TMLHE: variants seen among roughly 807,000 people sequenced by gnomAD.
TMLHE encodes trimethyllysine dioxygenase, mitochondrial.
In TMLHE, 18 loss-of-function variants were observed where a neutral mutation model predicts 25.7. That is an observed-to-expected ratio of 0.70 (90% CI 0.48 to 1.04). The LOEUF (loss-of-function observed/expected upper bound fraction) is 1.04. Among genes scored for constraint, TMLHE ranks in the 50% least tolerant of loss-of-function variants. The pLI is 0.00. For synonymous variants in TMLHE, 105 were observed against 97.0 expected, an observed-to-expected ratio of 1.08 and a Z score of -0.49; for missense variants, 236 against 259.0, an observed-to-expected ratio of 0.91 and a Z score of 0.61.
intron 1 of TMLHE, among the ~76,000 whole-genome samples, chrX:155,598,772 T>G (rs1385396782): frequency 1.8e-5 from 2 of 111,557 alleles, no homozygotes; most frequent in Non-Finnish European, 3.8e-5. Flanking sequence ...AGACTGCTTT[T>G]TTACTTCTTT....
intron 1 of TMLHE, among the ~76,000 whole-genome samples, chrX:155,585,632 C>A (rs1316529135): frequency 1.8e-5 from 2 of 111,604 alleles, no homozygotes; most frequent in Admixed American, 9.5e-5. Context: ...ACAGCCCACT[C>A]TCAGCATTAG....
chrX:155,538,111 A>G (rs1557337817), intron 2 of TMLHE, among the ~76,000 whole-genome samples: 1 of 111,209 alleles, frequency 9.0e-6, no homozygotes, highest in African/African-American at 3.3e-5. Flanking sequence ...CCTCTGACCA[A>G]CATGTCTCCA....
intron 3 of TMLHE, among the ~76,000 whole-genome samples, chrX:155,522,526 T>C (rs782639123): frequency 8.9e-6 from 1 of 112,194 alleles, no homozygotes; most frequent in South Asian, 3.7e-4. Context: ...TCCTTCGTGT[T>C]ACCCTTTTAC....
At chrX:155,548,537 C>A (rs868995183) in intron 1 of TMLHE, among the ~76,000 whole-genome samples, 1 of 106,832 alleles carries the variant, frequency 9.4e-6, no homozygotes, top group South Asian at 3.9e-4. Flanking sequence ...AGTATGAGGC[C>A]AGCCTGACTA....
chrX:155,545,500 T>C (rs1396704262), intron 1 of TMLHE, among the ~76,000 whole-genome samples: 1 of 112,082 alleles, frequency 8.9e-6, no homozygotes, highest in African/African-American at 3.2e-5. Context: ...CAATCTTCCT[T>C]TTGGCCTACT....
intron 3 of TMLHE, among the ~76,000 whole-genome samples, chrX:155,515,407 A>T (rs1049706213): frequency 9.0e-5 from 10 of 110,641 alleles, no homozygotes; most frequent in Middle Eastern, 4.9e-3. Flanking sequence ...ATTTATTTTT[A>T]AAAAATTTCC....
chrX:155,569,265 C>T (rs1557342709), intron 1 of TMLHE, among the ~76,000 whole-genome samples: 1 of 56,163 alleles, frequency 1.8e-5, no homozygotes, highest in Non-Finnish European at 4.6e-5. Flanking sequence ...TGAAATGAAG[C>T]GAGAAGGGAA....
chrX:155,562,092 T>C lies in TMLHE; in HGVS notation c.-1-16815A>G, dbSNP rs782588034. The stretch of plus-strand genomic sequence containing the variant: ...GGCCTCTAACCCCATATTTCCCCTC[T>C]GCATTGCCCTAGTAGAGGTTCTCCA... On this transcript the variant is annotated intron_variant, in intron 1 of 7. Coordinates refer to ENST00000334398, the MANE Select transcript of TMLHE (RefSeq NM_018196.4). 4.8e-3 allele frequency among the ~76,000 whole-genome samples: 298 copies of C among 62,494 alleles called. 94 individuals are homozygous for C. Among genetic ancestry groups the C allele is most frequent in the Non-Finnish European group, 0.011 (251 of 22,147 alleles). The allele number at this position is 62,494 out of a possible 115,157, so 54.3% of individuals were successfully genotyped here. A position where few individuals can be genotyped will look rare whatever the true frequency, so the allele number is the denominator to read the frequency against.
chrX:155,506,788 AT>A (rs2067078648), intron 6 of TMLHE, 109 bp downstream of exon 6: 1 of 629,772 alleles, frequency 1.6e-6, no homozygotes, highest in African/African-American at 2.2e-5. Context: ...AAGCTATAGA[AT>A]AGCAAGATTA....
At chrX:155,554,506 C>T (rs185527000) in intron 1 of TMLHE, among the ~76,000 whole-genome samples, 1 of 111,129 alleles carries the variant, frequency 9.0e-6, no homozygotes, top group African/African-American at 3.3e-5. Flanking sequence ...AATCTAATTG[C>T]TATTCCTTGA....
chrX:155,596,765 C>T (rs781897565), intron 1 of TMLHE, among the ~76,000 whole-genome samples: 7 of 111,598 alleles, frequency 6.3e-5, no homozygotes, highest in Admixed American at 4.7e-4. Context: ...AATCTTTTGG[C>T]GCCTCTTATG....
chrX:155,550,663 G>A (rs1184352779), intron 1 of TMLHE, among the ~76,000 whole-genome samples: 2 of 110,873 alleles, frequency 1.8e-5, no homozygotes, highest in Non-Finnish European at 3.8e-5. Flanking sequence ...TTTGGACTAA[G>A]TTTTCTCCTT....
chrX:155,605,690 G>T (rs1048621468), intron 1 of TMLHE, among the ~76,000 whole-genome samples: 1 of 111,862 alleles, frequency 8.9e-6, no homozygotes, highest in Non-Finnish European at 1.9e-5. Flanking sequence ...ACGTGATCAA[G>T]TGTACATAAT....
rs2067343262 is a variant in TMLHE at position 155,546,139 on chromosome X, C to G, written c.-1-862G>C. On this transcript the variant is annotated intron_variant, in intron 1 of 7. Transcript: ENST00000334398. Reference sequence around the variant, plus strand: ...AAATGAGGTTGATAATAGTATTTATCTCATGGCTTTACTGTGAGGACTAAA... The same window carrying G: ...AAATGAGGTTGATAATAGTATTTATGTCATGGCTTTACTGTGAGGACTAAA... Among the ~76,000 whole-genome samples the G allele has an allele frequency of 3.6e-5, 4 of 110,672 alleles. No homozygotes were observed. In the South Asian group the frequency reaches 1.5e-3, roughly 42 times the overall value.
chrX:155,549,413 T>C (rs2067396109), intron 1 of TMLHE, among the ~76,000 whole-genome samples: 1 of 110,423 alleles, frequency 9.1e-6, no homozygotes, highest in Admixed American at 9.6e-5. Context: ...CTTCAATTCC[T>C]AGTTTTCTGA....
chrX:155,568,981 T>A (rs62619580), intron 1 of TMLHE, among the ~76,000 whole-genome samples: 1 of 53,341 alleles, frequency 1.9e-5, no homozygotes, highest in African/African-American at 4.1e-5. Flanking sequence ...CAAAGCTGGA[T>A]AGAGAATGAC....
chrX:155,510,891 T>A (rs5940461), intron 5 of TMLHE, among the ~76,000 whole-genome samples: 1 of 101,914 alleles, frequency 9.8e-6, no homozygotes, highest in African/African-American at 3.4e-5. Context: ...TCCTATTTCT[T>A]CACATCCTCT....
chrX:155,541,781 T>G (rs1430653914), intron 2 of TMLHE, among the ~76,000 whole-genome samples: 1 of 112,170 alleles, frequency 8.9e-6, no homozygotes, highest in African/African-American at 3.2e-5. Context: ...TTGATTTGCA[T>G]TTTTCTGATG....
intron 2 of TMLHE, among the ~76,000 whole-genome samples, chrX:155,525,097 C>T (rs782260536): frequency 2.7e-5 from 3 of 111,188 alleles, no homozygotes; most frequent in South Asian, 3.8e-4. Flanking sequence ...AGCATAGGTG[C>T]GTAGAGGATA....
Sources: allele counts gnomAD v4.1 joint callset (sites outside exome capture counted in the v4.1 genomes callset), GRCh38; gene constraint gnomAD v4.1.1; transcripts MANE v1.5; gene names NCBI Gene and HGNC (gene_info 2026-07-23, HGNC 2026-07-21).